MSRA: variants seen among roughly 807,000 people sequenced by gnomAD.
MSRA encodes the protein mitochondrial peptide methionine sulfoxide reductase.
In MSRA, 54 loss-of-function variants were observed where a neutral mutation model predicts 31.3. The observed-to-expected ratio is 1.73, with a 90% CI of 1.39 to 2.17. The LOEUF is 2.17. MSRA is among the 30% of genes most tolerant of loss of function. The probability of loss-of-function intolerance (pLI) is 0.00; values close to 1 mark genes in which losing one functional copy is unlikely to be tolerated. For synonymous variants in MSRA, 169 were observed against 116.5 expected (o/e 1.45, Z -2.90); for missense variants, 507 against 300.9 (o/e 1.69, Z -5.07).
chr8:10,235,648 A>G (rs1188533069), intron 2 of MSRA, among the ~76,000 whole-genome samples: 1 of 152,156 alleles, frequency 6.6e-6, no homozygotes, highest in Non-Finnish European at 1.5e-5. Flanking sequence ...AAATATGAAT[A>G]CATGACAATG....
At chr8:10,344,230 T>C (rs576312127) in intron 5 of MSRA, among the ~76,000 whole-genome samples, 1 of 152,280 alleles carries the variant, frequency 6.6e-6, no homozygotes, top group East Asian at 1.9e-4. Context: ...CTGGTCTTCC[T>C]TCACCCCATC....
chr8:10,351,415 A>G (rs1395674081), intron 5 of MSRA, among the ~76,000 whole-genome samples: 1 of 151,924 alleles, frequency 6.6e-6, no homozygotes, highest in Non-Finnish European at 1.5e-5. Context: ...CACCACGCCT[A>G]GCTAATTTTT....
At chr8:10,409,312 G>A (rs985716519) in intron 5 of MSRA, among the ~76,000 whole-genome samples, 2 of 152,120 alleles carry the variant, frequency 1.3e-5, no homozygotes, top group Admixed American at 6.6e-5. Flanking sequence ...GCATTTCTCC[G>A]ATGACTAGTG....
chr8:10,343,640 A>G (rs977796109), intron 5 of MSRA, among the ~76,000 whole-genome samples: 3 of 152,170 alleles, frequency 2.0e-5, no homozygotes, highest in African/African-American at 4.8e-5. Flanking sequence ...ACAAATGTAA[A>G]TGTAGCGCTT....
intron 3 of MSRA, among the ~76,000 whole-genome samples, chr8:10,269,342 C>G (rs1798908869): frequency 6.6e-6 from 1 of 152,202 alleles, no homozygotes; most frequent in Admixed American, 6.5e-5. Context: ...AATTTCTTTT[C>G]TTCAAGAAAC....
At chr8:10,181,249 C>G (rs995000123) in intron 1 of MSRA, among the ~76,000 whole-genome samples, 2 of 152,046 alleles carry the variant, frequency 1.3e-5, no homozygotes, top group South Asian at 2.1e-4. Context: ...ATGCTATTAT[C>G]TAGAGAGCAA....
intron 1 of MSRA, among the ~76,000 whole-genome samples, chr8:10,088,392 C>A (rs1798678478): frequency 6.6e-6 from 1 of 152,174 alleles, no homozygotes; most frequent in African/African-American, 2.4e-5. Flanking sequence ...CCAATGTATG[C>A]TGCAGCATTA....
rs78783788 is a variant in MSRA, at chr8:10,290,097, C to T, written c.332-11437C>T. ...TAAGTGGCCTCTCTAGCAGATTATG[C>T]CCTCAAATGTAGAAAAACTCAATGT... is the stretch of plus-strand genomic sequence containing the variant. On this transcript the variant is annotated intron_variant, in intron 3 of 5. Transcript: ENST00000317173. 2.7e-4 allele frequency among the ~76,000 whole-genome samples: 41 copies of T among 152,270 alleles called. 1 individual carries two copies. The East Asian group carries it at 7.7e-3, about 29-fold the overall frequency.
chr8:10,079,012 T>A (rs1313652306), intron 1 of MSRA, among the ~76,000 whole-genome samples: 1 of 152,172 alleles, frequency 6.6e-6, no homozygotes, highest in Non-Finnish European at 1.5e-5. Context: ...TTCGTGTTGT[T>A]CCAGTATTCA....
chr8:10,132,935 C>A (rs2129026263), intron 1 of MSRA, among the ~76,000 whole-genome samples: 1 of 152,286 alleles, frequency 6.6e-6, no homozygotes, highest in African/African-American at 2.4e-5. Context: ...GCTAGCAGGC[C>A]AGAAGGTTCT....
chr8:10,119,488 C>G (rs1293201006), intron 1 of MSRA, among the ~76,000 whole-genome samples: 1 of 152,134 alleles, frequency 6.6e-6, no homozygotes, highest in African/African-American at 2.4e-5. Context: ...TGGAGTGATT[C>G]TAGCACAGAA....
intron 3 of MSRA, among the ~76,000 whole-genome samples, chr8:10,266,623 A>G (rs1459232524): frequency 6.6e-6 from 1 of 151,576 alleles, no homozygotes; most frequent in Non-Finnish European, 1.5e-5. Context: ...TTTTTTATGG[A>G]TGAAACTTTT....
chr8:10,241,540 A>G (rs1203340140), intron 2 of MSRA, among the ~76,000 whole-genome samples: 1 of 152,212 alleles, frequency 6.6e-6, no homozygotes, highest in Non-Finnish European at 1.5e-5. Flanking sequence ...TCCCTGTCCC[A>G]TGTGAATTGT....
At chr8:10,152,918 A>G (rs1803836328) in intron 1 of MSRA, among the ~76,000 whole-genome samples, 5 of 152,188 alleles carry the variant, frequency 3.3e-5, no homozygotes, top group Admixed American at 3.3e-4. Context: ...ACAGACACAT[A>G]CTATGTAATT....
intron 5 of MSRA, among the ~76,000 whole-genome samples, chr8:10,340,902 C>T (rs528512077): frequency 6.6e-6 from 1 of 152,264 alleles, no homozygotes; most frequent in East Asian, 1.9e-4. Context: ...GTGTGGTAAT[C>T]AAAATGGTAT....
chr8:10,204,485 A>G (rs970675592), intron 1 of MSRA, among the ~76,000 whole-genome samples: 3 of 152,186 alleles, frequency 2.0e-5, no homozygotes, highest in Non-Finnish European at 2.9e-5. Flanking sequence ...TATCTAGATC[A>G]CAAATACTTA....
intron 3 of MSRA, among the ~76,000 whole-genome samples, chr8:10,257,977 G>C (rs184546369): frequency 9.8e-5 from 15 of 152,320 alleles, no homozygotes; most frequent in Non-Finnish European, 1.9e-4. Context: ...TTACATATGA[G>C]CTTGGAGATA....
intron 2 of MSRA, among the ~76,000 whole-genome samples, chr8:10,223,167 A>G (rs892058152): frequency 2.0e-5 from 3 of 152,202 alleles, no homozygotes; most frequent in African/African-American, 7.2e-5. Context: ...AGGTATTACT[A>G]TTGCTTTACT....
At chr8:10,356,242 T>C (rs1804499837) in intron 5 of MSRA, among the ~76,000 whole-genome samples, 1 of 152,212 alleles carries the variant, frequency 6.6e-6, no homozygotes, top group Non-Finnish European at 1.5e-5. Context: ...GTGGCACAGA[T>C]CTTACAGGAA....
Sources: gnomAD v4.1 joint callset for allele counts (sites outside exome capture counted in the v4.1 genomes callset) on GRCh38, gnomAD v4.1.1 for gene constraint, MANE v1.5 for transcripts, NCBI Gene and HGNC (gene_info 2026-07-23, HGNC 2026-07-21) for gene names.